Variants in ABCA13 observed in about 807,000 individuals in gnomAD.
ABCA13 encodes the protein ATP binding cassette subfamily A member 13, also known as ATP-binding cassette sub-family A member 13.
A neutral mutation model predicts 478.7 loss-of-function variants in ABCA13; 476 were observed. The ratio of observed to expected loss-of-function variants is 0.99; its 90% CI spans 0.92 to 1.07. ABCA13 has a LOEUF of 1.07. Among genes scored for constraint, ABCA13 ranks in the 50% least tolerant of loss-of-function variants. The probability of loss-of-function intolerance (pLI) is 0.00; values close to 1 mark genes in which losing one functional copy is unlikely to be tolerated. For missense variants in ABCA13, 6,060 were observed against 5,910.6 expected, an observed-to-expected ratio of 1.03 and a Z score of -0.83; for synonymous variants, 2,252 against 2,158.9, an observed-to-expected ratio of 1.04 and a Z score of -1.20.
Position 48,273,609 on chromosome 7 carries a change from A to T in ABCA13, c.3943A>T (p.Asn1315Tyr). The change falls in exon 17 of 62, where the codon AAT becomes TAT. Residue 1315 changes from asparagine to tyrosine, a missense_variant. Physicochemically the swap from Asn to Tyr is moderately radical, Grantham distance 143. Coordinates refer to ENST00000435803, the MANE Select transcript of ABCA13 (RefSeq NM_152701.5). ...TGACTTTCTTTCAAATAATCTCACA[A>T]ATTATGGAGAAAAATTTGAAAATAT... is the stretch of plus-strand genomic sequence containing the variant. ...INDFLSNNLT[N>Y]YGEKFENIIT... 6.3e-7 allele frequency: 1 copy of T among 1,597,608 alleles called. No homozygotes were observed. The highest frequency in any genetic ancestry group is 8.5e-7 in the Non-Finnish European group (1 of 1,170,764).
intron 7 of ABCA13, among the ~76,000 whole-genome samples, chr7:48,232,164 T>TTTTTTTTTTTTTTTC (rs1554360466): frequency 7.5e-6 from 1 of 132,830 alleles, no homozygotes; most frequent in African/African-American, 2.8e-5. Flanking sequence ...TTTTTTTTTT[T>TTTTTTTTTTTTTTTC]AGCTTTCTGT....
At chr7:48,198,120 A>G in intron 2 of ABCA13, 117 bp from the exon 3 acceptor site, 1 of 1,095,004 alleles carries the variant, frequency 9.1e-7, no homozygotes. Flanking sequence ...CCTTTAAATT[A>G]ATAGCAAGGT....
At position 48,295,877 on chromosome 7, in the gene ABCA13, T is replaced by C. The variant is rs183364742; in HGVS notation, c.9119+14T>C. 8.2e-6 allele frequency: 13 copies of C among 1,589,870 alleles called. No individual in the cohort carries two copies. In the East Asian group the frequency reaches 2.2e-4, roughly 27 times the overall value. On this transcript the variant is annotated intron_variant, in intron 21 of 61. Transcript: ENST00000435803. Reference sequence around the variant, plus strand: ...GCACTTGTACATGTATGCTCTGATATTCTTTCATGCCCTCCCCAGTACTTC... The same window carrying C: ...GCACTTGTACATGTATGCTCTGATACTCTTTCATGCCCTCCCCAGTACTTC...
At position 48,273,250 on chromosome 7, in the gene ABCA13, G is replaced by T. The variant is rs764716579; in HGVS notation, c.3584G>T (p.Ser1195Ile). 16 of 1,613,634 alleles carry T rather than the reference G, an allele frequency of 9.9e-6. No homozygotes were observed. The South Asian group carries it at 1.6e-4, about 17-fold the overall frequency. Residue 1195 changes from serine (S) to isoleucine (I), a missense_variant, in exon 17 of 62, where the codon AGC (serine) becomes ATC (isoleucine). Physicochemically the swap from Ser to Ile is moderately radical, Grantham distance 142 (BLOSUM62 -2). Coordinates refer to ENST00000435803, the MANE Select transcript of ABCA13 (RefSeq NM_152701.5). ...GAAGATGATGTGAAAGTCTCTAAAAGCTGCCAGGGTATACTTCCCACCCAT... is the reference window on the plus strand; with the variant it reads ...GAAGATGATGTGAAAGTCTCTAAAATCTGCCAGGGTATACTTCCCACCCAT... Reference protein sequence around the residue: ...ELEDDVKVSKSCQGILPTHNV... With the variant: ...ELEDDVKVSKICQGILPTHNV...
rs1795392103 is a variant in ABCA13 at position 48,645,560 on chromosome 7, A to G, written c.*48A>G. 8 of 1,464,452 alleles carry G rather than the reference A, an allele frequency of 5.5e-6. No individual in the cohort carries two copies. In the South Asian group the frequency reaches 8.7e-5, roughly 16 times the overall value. The allele number at this position is 1,464,452 out of a possible 1,614,324, so 90.7% of individuals were successfully genotyped here. On this transcript the variant is annotated 3_prime_UTR_variant, in exon 62 of 62. Transcript: ENST00000435803. The stretch of plus-strand genomic sequence containing the variant: ...GAATAAAACCTTGTCTTCCATTACA[A>G]TTAACAGTCAAGGATAAAACAAGCA...
At chr7:48,567,840 G>A (rs563150151) in intron 55 of ABCA13, among the ~76,000 whole-genome samples, 5 of 151,976 alleles carry the variant, frequency 3.3e-5, no homozygotes, top group South Asian at 2.1e-4. Context: ...TTACATGAGC[G>A]ATTTTTTCCT....
Position 48,297,215 on chromosome 7 carries a change from A to G in ABCA13, c.9120-17A>G, listed in dbSNP as rs777091471. ...TTTTAGCTTGCCTAATTTAGCTTTA[A>G]TTTTCTGCCATTTTAGGTTGGCCAA... On this transcript the variant is annotated splice_polypyrimidine_tract_variant and intron_variant, in intron 21 of 61. Transcript: ENST00000435803. 1 of 1,587,082 alleles carries G rather than the reference A, an allele frequency of 6.3e-7. No homozygotes were observed. The highest frequency in any genetic ancestry group is 1.8e-5 in the Admixed American group (1 of 56,766).
intron 1 of ABCA13, among the ~76,000 whole-genome samples, chr7:48,177,545 T>G (rs979622846): frequency 6.6e-6 from 1 of 152,178 alleles, no homozygotes; most frequent in Non-Finnish European, 1.5e-5. Context: ...GGGACAAGAT[T>G]GGCAGTGAGA....
At chr7:48,325,679 T>G (rs1244039470) in intron 27 of ABCA13, among the ~76,000 whole-genome samples, 1 of 152,200 alleles carries the variant, frequency 6.6e-6, no homozygotes, top group African/African-American at 2.4e-5. Context: ...ATATGAATAA[T>G]TATTACTATA....
At chr7:48,619,718 C>T (rs994707050) in intron 59 of ABCA13, among the ~76,000 whole-genome samples, 5 of 152,012 alleles carry the variant, frequency 3.3e-5, no homozygotes, top group Admixed American at 6.6e-5. Flanking sequence ...CAGGAAAAGC[C>T]GAGAAATCAA....
intron 42 of ABCA13, among the ~76,000 whole-genome samples, chr7:48,430,492 G>A (rs1821991307): frequency 1.3e-5 from 2 of 152,010 alleles, no homozygotes; most frequent in Admixed American, 6.6e-5. Context: ...TGGCCAACAT[G>A]GTGAAACCCC....
intron 41 of ABCA13, among the ~76,000 whole-genome samples, chr7:48,422,386 A>G (rs1475195033): frequency 6.6e-6 from 1 of 152,146 alleles, no homozygotes; most frequent in Non-Finnish European, 1.5e-5. Flanking sequence ...CATTCTTTGC[A>G]TTCTGTTTAT....
intron 58 of ABCA13, among the ~76,000 whole-genome samples, chr7:48,606,765 T>C (rs1313560711): frequency 6.6e-6 from 1 of 152,210 alleles, no homozygotes. Flanking sequence ...CACTGCTGTC[T>C]TCAGAGCTGT....
At chr7:48,609,711 T>C (rs1585973035) in intron 58 of ABCA13, among the ~76,000 whole-genome samples, 1 of 152,218 alleles carries the variant, frequency 6.6e-6, no homozygotes, top group African/African-American at 2.4e-5. Context: ...AATTAGATTA[T>C]CCAGCCATAC....
chr7:48,417,564 T>C (rs1431026214), intron 41 of ABCA13, among the ~76,000 whole-genome samples: 5 of 152,164 alleles, frequency 3.3e-5, no homozygotes, highest in Non-Finnish European at 7.3e-5. Flanking sequence ...CTCAGCAAAA[T>C]TGAGCAGAAT....
intron 45 of ABCA13, among the ~76,000 whole-genome samples, chr7:48,473,279 T>C (rs1178943056): frequency 6.6e-6 from 1 of 152,136 alleles, no homozygotes; most frequent in East Asian, 1.9e-4. Context: ...TTCTTATCTA[T>C]AGTGTTGCAG....
At chr7:48,323,101 G>A (rs1803747600) in intron 27 of ABCA13, among the ~76,000 whole-genome samples, 1 of 152,146 alleles carries the variant, frequency 6.6e-6, no homozygotes, top group Non-Finnish European at 1.5e-5. Context: ...CCACTAAAGG[G>A]CGTGTGGGTT....
intron 3 of ABCA13, among the ~76,000 whole-genome samples, chr7:48,206,273 A>G (rs993918243): frequency 6.6e-6 from 1 of 152,226 alleles, no homozygotes; most frequent in Non-Finnish European, 1.5e-5. Flanking sequence ...TTATAATACC[A>G]TATCTTAACT....
intron 20 of ABCA13, among the ~76,000 whole-genome samples, chr7:48,295,377 AT>A (rs1197018446): frequency 1.3e-5 from 2 of 152,164 alleles, no homozygotes; most frequent in African/African-American, 4.8e-5. Flanking sequence ...AAATTGAGTT[AT>A]TTGTTTTTCT....
Sources: allele counts gnomAD v4.1 joint callset (sites outside exome capture counted in the v4.1 genomes callset), GRCh38; gene constraint gnomAD v4.1.1; transcripts MANE v1.5; gene names NCBI Gene and HGNC (gene_info 2026-07-23, HGNC 2026-07-21).